The following AK4 variants were observed in gnomAD, a reference collection of about 807,000 sequenced individuals.
The protein encoded by AK4 is adenylate kinase 4, also known as adenylate kinase 4, mitochondrial.
In AK4, 13 loss-of-function variants were observed where a neutral mutation model predicts 24.6. That is an observed-to-expected ratio of 0.53 (90% CI 0.34 to 0.84). The LOEUF is 0.84. AK4 is among the 40% of genes least tolerant of loss of function. The pLI, the probability that AK4 is intolerant of heterozygous loss-of-function variation, is 0.01. For missense variants in AK4, 192 were observed against 288.2 expected (o/e 0.67, Z 2.42); for synonymous variants, 88 against 107.0 (o/e 0.82, Z 1.10).
At chr1:65,152,041 C>T (rs1305320371) in intron 1 of AK4, among the ~76,000 whole-genome samples, 1 of 151,438 alleles carries the variant, frequency 6.6e-6, no homozygotes, top group Non-Finnish European at 1.5e-5. Flanking sequence ...TATGAGTATA[C>T]ACACACACAC....
In AK4 at chr1:65,183,803, G is replaced by GT. The variant is rs750217260; in HGVS notation, c.146-6906dup. On this transcript the variant is annotated intron_variant, in intron 1 of 4. Coordinates refer to ENST00000327299, the MANE Select transcript of AK4 (RefSeq NM_013410.4). ...AACCAGCCTTAAGATGATGCAGAAT[G>GT]TGAGTCCAACATCCTACTCCTTCAG... is the stretch of plus-strand genomic sequence containing the variant. Among the ~76,000 whole-genome samples, 8 of 152,160 alleles carry GT rather than the reference G, an allele frequency of 5.3e-5. No individual in the cohort carries two copies. In the East Asian group the frequency reaches 1.5e-3, roughly 29 times the overall value.
chr1:65,182,451 A>G (rs2101027757), intron 1 of AK4, among the ~76,000 whole-genome samples: 2 of 152,246 alleles, frequency 1.3e-5, no homozygotes, highest in South Asian at 4.1e-4. Context: ...TGTGTCACAA[A>G]ACACACTTTT....
intron 4 of AK4, 26 bp downstream of exon 4, chr1:65,224,896 A>G (rs1652408277): frequency 6.4e-7 from 1 of 1,572,864 alleles, no homozygotes; most frequent in South Asian, 1.1e-5. Context: ...TATTTTCATG[A>G]CAAAGGACAG....
At chr1:65,157,205 A>T (rs1650013064) in intron 1 of AK4, among the ~76,000 whole-genome samples, 2 of 152,212 alleles carry the variant, frequency 1.3e-5, no homozygotes, top group South Asian at 4.1e-4. Flanking sequence ...CATGTAATTA[A>T]AGGGGAACTC....
intron 2 of AK4, among the ~76,000 whole-genome samples, chr1:65,208,372 G>A (rs1651873092): frequency 6.6e-6 from 1 of 152,174 alleles, no homozygotes. Context: ...GCAGGTTTTG[G>A]TGGTAATTAA....
chr1:65,156,615 G>A (rs939997449), intron 1 of AK4, among the ~76,000 whole-genome samples: 1 of 151,976 alleles, frequency 6.6e-6, no homozygotes, highest in African/African-American at 2.4e-5. Context: ...GATGTTAAAT[G>A]GATTTGAAAT....
chr1:65,167,932 A>C (rs1448488146), intron 1 of AK4, among the ~76,000 whole-genome samples: 1 of 152,190 alleles, frequency 6.6e-6, no homozygotes, highest in Non-Finnish European at 1.5e-5. Flanking sequence ...TCTTCAGATA[A>C]TTGAAAATAG....
At chr1:65,205,633 T>C (rs780392765) in intron 2 of AK4, among the ~76,000 whole-genome samples, 45 of 152,170 alleles carry the variant, frequency 3.0e-4, no homozygotes, top group Non-Finnish European at 5.9e-4. Flanking sequence ...CTTGATGTTG[T>C]TGTTATTTAT....
intron 2 of AK4, among the ~76,000 whole-genome samples, chr1:65,194,338 G>A (rs1385357818): frequency 1.3e-5 from 2 of 152,194 alleles, no homozygotes; most frequent in African/African-American, 4.8e-5. Context: ...CAAGGTCTTT[G>A]TAACCGTATA....
intron 1 of AK4, among the ~76,000 whole-genome samples, chr1:65,183,005 A>G: frequency 6.6e-6 from 1 of 152,158 alleles, no homozygotes; most frequent in Admixed American, 6.5e-5. Context: ...ACCCAATCCC[A>G]GTGTTTAAGA....
At chr1:65,153,877 T>G (rs1649883669) in intron 1 of AK4, among the ~76,000 whole-genome samples, 1 of 152,020 alleles carries the variant, frequency 6.6e-6, no homozygotes, top group South Asian at 2.1e-4. Context: ...ATAGCGTGTC[T>G]GAGGAACAGA....
intron 2 of AK4, among the ~76,000 whole-genome samples, chr1:65,202,705 C>T (rs1651697388): frequency 6.6e-6 from 1 of 151,968 alleles, no homozygotes; most frequent in African/African-American, 2.4e-5. Flanking sequence ...TCATTCAAGG[C>T]ATTTGAGGGC....
chr1:65,160,519 C>A (rs910658151), intron 1 of AK4, among the ~76,000 whole-genome samples: 5 of 152,072 alleles, frequency 3.3e-5, no homozygotes, highest in Non-Finnish European at 7.4e-5. Flanking sequence ...TCAAGCAGTT[C>A]TCCTGCCTCA....
chr1:65,218,982 A>G (rs986141121), intron 3 of AK4, 56 bp downstream of exon 3: 7 of 1,398,648 alleles, frequency 5.0e-6, no homozygotes, highest in Admixed American at 4.8e-5. Context: ...AACAATTTCC[A>G]TTGAAAAGTG....
rs990442839 is a variant in AK4 at position 65,231,213 on chromosome 1, C to T, written c.*5036C>T. Reference sequence around the variant, plus strand: ...TGTGAAAAAAATCTGCTTCCTGCATCTGTTGAAATATAGTTGTTCATACTT... The same window carrying T: ...TGTGAAAAAAATCTGCTTCCTGCATTTGTTGAAATATAGTTGTTCATACTT... On this transcript the variant is annotated 3_prime_UTR_variant, in exon 5 of 5. Transcript: ENST00000327299. The T allele has an allele frequency of 7.9e-5, 12 of 152,162 alleles. No homozygotes were observed. Among genetic ancestry groups the T allele is most frequent in the African/African-American group, 2.4e-4 (10 of 41,438 alleles). 9.4% of individuals were successfully genotyped at this position (152,162 alleles called of 1,614,324 possible).
chr1:65,215,899 C>G (rs1446083199), intron 2 of AK4, among the ~76,000 whole-genome samples: 1 of 152,068 alleles, frequency 6.6e-6, no homozygotes, highest in Non-Finnish European at 1.5e-5. Flanking sequence ...CTAGTGCTTC[C>G]CCCGCTCCCA....
intron 2 of AK4, among the ~76,000 whole-genome samples, chr1:65,203,066 T>A (rs1651712945): frequency 6.6e-6 from 1 of 151,920 alleles, no homozygotes; most frequent in Admixed American, 6.6e-5. Context: ...AGAAATGGGA[T>A]TTTGCTATGT....
chr1:65,225,856 A>G (rs183538106), intron 4 of AK4, among the ~76,000 whole-genome samples: 21 of 152,292 alleles, frequency 1.4e-4, no homozygotes, highest in African/African-American at 5.1e-4. Flanking sequence ...TGGCATCATG[A>G]CAAGCATACC....
chr1:65,225,968 C>T (rs965640817), intron 4 of AK4, 95 bp from the exon 5 acceptor site: 2 of 1,324,314 alleles, frequency 1.5e-6, no homozygotes, highest in Non-Finnish European at 2.1e-6. Context: ...TGATATAGAC[C>T]ATGAGATCAT....
Sources: allele counts gnomAD v4.1 joint callset (sites outside exome capture counted in the v4.1 genomes callset), GRCh38; gene constraint gnomAD v4.1.1; transcripts MANE v1.5; gene names NCBI Gene and HGNC (gene_info 2026-07-23, HGNC 2026-07-21).